The following PRKD1 variants were observed in gnomAD, a reference collection of about 807,000 sequenced individuals.
The protein encoded by PRKD1 is serine/threonine-protein kinase D1.
A neutral mutation model predicts 95.9 loss-of-function variants in PRKD1; 63 were observed. That is an observed-to-expected ratio of 0.66 (90% CI 0.54 to 0.81). The LOEUF (loss-of-function observed/expected upper bound fraction) is 0.81, where lower values mean the gene tolerates loss of function less well. PRKD1 is among the 30% of genes least tolerant of loss of function. The pLI, the probability that PRKD1 is intolerant of heterozygous loss-of-function variation, is 0.00. For synonymous variants in PRKD1, 425 were observed against 423.1 expected (o/e 1.00, Z -0.05); for missense variants, 1,048 against 1,165.3 (o/e 0.90, Z 1.47).
In PRKD1 at chr14:29,725,575, C is replaced by T. The variant is rs772034885; in HGVS notation, c.364G>A (p.Asp122Asn). ...TCAATAAGATCGCCTTCCTGGATAT[C>T]ACTGGCCGCTTTCACCAGCTGAAGG... ...NILQLVKAAS[D>N]IQEGDLIEVV... Residue 122 changes from aspartate (D) to asparagine (N), a missense_variant, in exon 2 of 18, where the codon GAT (aspartate) becomes AAT (asparagine). Asp to Asn is a conservative substitution (Grantham distance 23). Transcript: ENST00000331968. The T allele has an allele frequency of 1.2e-6, 2 of 1,613,804 alleles. No homozygotes were observed. Among genetic ancestry groups the T allele is most frequent in the East Asian group, 2.2e-5 (1 of 44,862 alleles).
At chr14:29,903,641 AC>A (rs1894397303) in intron 1 of PRKD1, among the ~76,000 whole-genome samples, 2 of 152,288 alleles carry the variant, frequency 1.3e-5, no homozygotes, top group Admixed American at 1.3e-4. Context: ...AAGACTCAAA[AC>A]CCTGGATTAA....
chr14:29,810,740 A>C (rs573037180), intron 1 of PRKD1, among the ~76,000 whole-genome samples: 63 of 152,368 alleles, frequency 4.1e-4, no homozygotes, highest in South Asian at 3.7e-3. Flanking sequence ...TGGCTTTAAA[A>C]TGCCAACCTC....
chr14:29,659,541 C>T (rs1043934861), intron 4 of PRKD1, among the ~76,000 whole-genome samples: 1 of 152,112 alleles, frequency 6.6e-6, no homozygotes, highest in Admixed American at 6.6e-5. Context: ...GAGATAACTG[C>T]CAACAAGTTT....
At chr14:29,802,641 G>T (rs939575476) in intron 1 of PRKD1, among the ~76,000 whole-genome samples, 7 of 152,202 alleles carry the variant, frequency 4.6e-5, no homozygotes, top group African/African-American at 1.4e-4. Context: ...ACAGATAAAA[G>T]ATTGGAACCT....
chr14:29,791,989 C>T (rs1280504109), intron 1 of PRKD1, among the ~76,000 whole-genome samples: 3 of 152,104 alleles, frequency 2.0e-5, no homozygotes, highest in Non-Finnish European at 4.4e-5. Flanking sequence ...CCTTCAGATA[C>T]TCACCAACAT....
intron 4 of PRKD1, among the ~76,000 whole-genome samples, chr14:29,649,408 T>A (rs566679664): frequency 1.6e-3 from 249 of 151,742 alleles, no homozygotes; most frequent in Admixed American, 4.3e-3. Context: ...ATTTGTGGTT[T>A]GGTTTTTGTT....
intron 13 of PRKD1, among the ~76,000 whole-genome samples, chr14:29,610,246 T>C (rs1264768324): frequency 1.3e-5 from 2 of 152,102 alleles, no homozygotes; most frequent in Non-Finnish European, 2.9e-5. Flanking sequence ...GGAGAAAATA[T>C]TTGCAAAAGA....
At chr14:29,666,772 T>C (rs1477427590) in intron 2 of PRKD1, among the ~76,000 whole-genome samples, 1 of 152,074 alleles carries the variant, frequency 6.6e-6, no homozygotes, top group Non-Finnish European at 1.5e-5. Flanking sequence ...ATTTAAATCA[T>C]GACTGAGCAA....
At chr14:29,638,462 A>G (rs758553623) in intron 6 of PRKD1, 27 bp downstream of exon 6, 3 of 1,610,794 alleles carry the variant, frequency 1.9e-6, no homozygotes, top group East Asian at 4.5e-5. Flanking sequence ...GAAGAAGCAC[A>G]GACATGACAG....
At chr14:29,616,371 G>T (rs1394076408) in intron 13 of PRKD1, among the ~76,000 whole-genome samples, 7 of 151,514 alleles carry the variant, frequency 4.6e-5, no homozygotes, top group Non-Finnish European at 7.4e-5. Flanking sequence ...AATTTGAAGT[G>T]TGGGAGAGAT....
intron 1 of PRKD1, among the ~76,000 whole-genome samples, chr14:29,819,386 A>G (rs1890816166): frequency 6.6e-6 from 1 of 152,112 alleles, no homozygotes; most frequent in South Asian, 2.1e-4. Context: ...GAGAGAGAGC[A>G]CATAAATAAT....
At chr14:29,921,179 CTTTACT>C (rs1594628958) in intron 1 of PRKD1, among the ~76,000 whole-genome samples, 1 of 152,058 alleles carries the variant, frequency 6.6e-6, no homozygotes, top group East Asian at 1.9e-4. Flanking sequence ...TGAAAATATG[CTTTACT>C]TTTATCAGCA....
At chr14:29,602,640 G>A (rs922766887) in intron 13 of PRKD1, among the ~76,000 whole-genome samples, 2 of 151,902 alleles carry the variant, frequency 1.3e-5, no homozygotes, top group South Asian at 4.2e-4. Context: ...TGTTGGTCAG[G>A]ATGGTGTCTA....
intron 1 of PRKD1, among the ~76,000 whole-genome samples, chr14:29,755,455 A>T (rs1426570421): frequency 1.3e-5 from 2 of 152,110 alleles, no homozygotes; most frequent in Non-Finnish European, 2.9e-5. Context: ...CAAACCTGTG[A>T]GTCACAGGCC....
At chr14:29,667,376 G>A (rs1027111158) in intron 2 of PRKD1, among the ~76,000 whole-genome samples, 19 of 152,074 alleles carry the variant, frequency 1.2e-4, no homozygotes, top group African/African-American at 4.1e-4. Flanking sequence ...CGAGAATTTT[G>A]GGGAAAACTG....
intron 1 of PRKD1, among the ~76,000 whole-genome samples, chr14:29,834,688 T>C (rs1333857815): frequency 5.3e-5 from 8 of 152,160 alleles, no homozygotes; most frequent in Non-Finnish European, 1.0e-4. Flanking sequence ...CCAATCACAA[T>C]AATAAACTAC....
At chr14:29,905,757 G>C (rs45445193) in intron 1 of PRKD1, among the ~76,000 whole-genome samples, 6,655 of 152,224 alleles carry the variant, frequency 0.044, 494 homozygotes, top group African/African-American at 0.15. Context: ...CTTACAGCAC[G>C]CAACTGTTTG....
intron 1 of PRKD1, among the ~76,000 whole-genome samples, chr14:29,892,031 C>T (rs1034047528): frequency 4.6e-5 from 7 of 152,332 alleles, no homozygotes; most frequent in Middle Eastern, 3.4e-3. Context: ...AGTGACTCCA[C>T]TTTGGCATAA....
intron 1 of PRKD1, among the ~76,000 whole-genome samples, chr14:29,865,595 G>C (rs1030684949): frequency 6.6e-6 from 1 of 152,144 alleles, no homozygotes; most frequent in African/African-American, 2.4e-5. Flanking sequence ...CTTCTGTCAT[G>C]GGATGATGAG....
Sources: allele counts gnomAD v4.1 joint callset (sites outside exome capture counted in the v4.1 genomes callset), GRCh38; gene constraint gnomAD v4.1.1; transcripts MANE v1.5; gene names NCBI Gene and HGNC (gene_info 2026-07-23, HGNC 2026-07-21).